The following ANAPC15 variants were observed in gnomAD, a reference collection of about 807,000 sequenced individuals.
ANAPC15 encodes the protein anaphase-promoting complex subunit 15.
In ANAPC15, 13 loss-of-function variants were observed where a neutral mutation model predicts 19.8. The ratio of observed to expected loss-of-function variants is 0.66; its 90% CI spans 0.43 to 1.04. The LOEUF is 1.04. Among genes scored for constraint, ANAPC15 ranks in the 50% least tolerant of loss-of-function variants. ANAPC15 has a pLI of 0.00. For missense variants in ANAPC15, 88 were observed against 150.3 expected (o/e 0.59, Z 2.17); for synonymous variants, 45 against 50.7 (o/e 0.89, Z 0.47).
chr11:72,109,261 C>G (rs886048638), downstream of ANAPC15: 1 of 456,136 alleles, frequency 2.2e-6, no homozygotes, highest in Non-Finnish European at 4.2e-6. Flanking sequence ...TCTCTTAACA[C>G]GAAGGAAGCT....
chr11:72,108,569 C>G, downstream of ANAPC15: 1 of 1,431,538 alleles, frequency 7.0e-7, no homozygotes, highest in Admixed American at 2.8e-5. Flanking sequence ...GAACAATTCC[C>G]CCCACCCTCA....
At chr11:72,108,647 C>T, downstream of ANAPC15, 1 of 1,510,384 alleles carries the variant, frequency 6.6e-7, no homozygotes, top group Non-Finnish European at 8.9e-7. Context: ...GATCCCGTGC[C>T]TACGCACCCA....
downstream of ANAPC15, chr11:72,109,200 T>G: frequency 2.0e-6 from 1 of 493,844 alleles, no homozygotes; most frequent in Admixed American, 3.1e-5. Flanking sequence ...TGTCACTGAT[T>G]TGCTGAGTGA....
downstream of ANAPC15, chr11:72,109,233 C>T: frequency 2.1e-6 from 1 of 468,878 alleles, no homozygotes; most frequent in South Asian, 1.8e-5. Flanking sequence ...CCCCACCTTG[C>T]TCTGAGATTT....
At chr11:72,110,402 C>T (rs1946434099) in intron 4 of ANAPC15, 142 bp downstream of exon 4, 1 of 1,503,382 alleles carries the variant, frequency 6.7e-7, no homozygotes, top group Non-Finnish European at 9.1e-7. Context: ...CCAATGCCCA[C>T]CCCTTCTATC....
At chr11:72,108,926 G>T (rs1275546069), downstream of ANAPC15, 7 of 1,523,262 alleles carry the variant, frequency 4.6e-6, no homozygotes, top group Non-Finnish European at 6.2e-6. Context: ...ACCAGGCTGA[G>T]GTCCAGGCCC....
At chr11:72,109,314 A>C, downstream of ANAPC15, 2 of 468,140 alleles carry the variant, frequency 4.3e-6, no homozygotes, top group Non-Finnish European at 8.5e-6. Context: ...CGGCCTCAGA[A>C]AGCCTCCCAT....
At chr11:72,107,615 T>A, downstream of ANAPC15, 1 of 672,000 alleles carries the variant, frequency 1.5e-6, no homozygotes, top group East Asian at 2.7e-5. Context: ...CCTGGAAAGG[T>A]AGGATAGGAT....
chr11:72,110,401 A>T, intron 4 of ANAPC15, 143 bp downstream of exon 4: 15 of 1,504,864 alleles, frequency 1.0e-5, no homozygotes, highest in Non-Finnish European at 1.4e-5. Flanking sequence ...CCCAATGCCC[A>T]CCCCTTCTAT....
chr11:72,110,018 C>A, intron 5 of ANAPC15, 70 bp downstream of exon 5: 5 of 1,614,032 alleles, frequency 3.1e-6, no homozygotes, highest in Non-Finnish European at 4.2e-6. Context: ...GTTTCTGTAC[C>A]CCTTGGCCAT....
chr11:72,111,967 C>G (rs1223076072), intron 1 of ANAPC15: 1 of 152,806 alleles, frequency 6.5e-6, no homozygotes, highest in Non-Finnish European at 1.5e-5. Flanking sequence ...GGGAGCCGAC[C>G]AGGAGTGCCA....
downstream of ANAPC15, chr11:72,108,254 G>A: frequency 1.3e-6 from 1 of 752,060 alleles, no homozygotes. Flanking sequence ...TGGTGTGTGA[G>A]CTCCTGCCCT....
At chr11:72,108,346 ATTTGGGTCCAGCTC>A, downstream of ANAPC15, among the ~76,000 whole-genome samples, 1 of 152,286 alleles carries the variant, frequency 6.6e-6, no homozygotes, top group South Asian at 2.1e-4. Context: ...AACCCAGCAA[ATTTGGGTCCAGCTC>A]TTACTCTGCC....
chr11:72,112,597 G>A, intron 1 of ANAPC15, 53 bp downstream of exon 1: 1 of 450,536 alleles, frequency 2.2e-6, no homozygotes, highest in Non-Finnish European at 4.5e-6. Context: ...TTCTCTGGGG[G>A]AAAAAGGAAT....
At chr11:72,111,102 G>A in intron 3 of ANAPC15, 55 bp downstream of exon 3, 1 of 1,048,394 alleles carries the variant, frequency 9.5e-7, no homozygotes, top group Non-Finnish European at 1.3e-6. Context: ...ATGGCCCACT[G>A]AAGGAGGTCT....
chr11:72,109,032 C>A, downstream of ANAPC15: 1 of 995,552 alleles, frequency 1.0e-6, no homozygotes, highest in Non-Finnish European at 1.4e-6. Flanking sequence ...ACGCTGGGCT[C>A]AGGGCTAGGG....
chr11:72,110,746 TTCTTG>T, intron 3 of ANAPC15, 143 bp from the exon 4 acceptor site: 1 of 782,638 alleles, frequency 1.3e-6, no homozygotes, highest in Non-Finnish European at 2.0e-6. Context: ...TACAATCCCT[TTCTTG>T]TCATCTGCCA....
At chr11:72,110,398 C>T in intron 4 of ANAPC15, 146 bp downstream of exon 4, 1 of 1,505,152 alleles carries the variant, frequency 6.6e-7, no homozygotes, top group Non-Finnish European at 9.1e-7. Context: ...AGGCCCAATG[C>T]CCACCCCTTC....
Position 72,111,253 on chromosome 11 carries a change from G to C in ANAPC15, c.24C>G (p.Leu8=). Residue 8 remains leucine (L), a synonymous_variant, in exon 3 of 6, where the codon CTC becomes CTG. Transcript: ENST00000227618. MSTLFPS[L]FPRVTETLWF... ...ACAGAGTCTCAGTCACACGAGGGAA[G>C]AGTGAGGGGAACAAAGTGGACATGG... 6.2e-7 allele frequency: 1 copy of C among 1,613,942 alleles called. No individual in the cohort carries two copies. Among genetic ancestry groups the C allele is most frequent in the Non-Finnish European group, 8.5e-7 (1 of 1,179,780 alleles).
Sources: gnomAD v4.1 joint callset for allele counts (sites outside exome capture counted in the v4.1 genomes callset) on GRCh38, gnomAD v4.1.1 for gene constraint, MANE v1.5 for transcripts, NCBI Gene and HGNC (gene_info 2026-07-23, HGNC 2026-07-21) for gene names.